The following TEX11 variants were observed in gnomAD, a reference collection of about 807,000 sequenced individuals.
The protein encoded by TEX11 is testis expressed 11, also known as testis-expressed protein 11.
TEX11 carries 7 observed loss-of-function variants against 84.4 expected under a neutral mutation model. That is an observed-to-expected ratio of 0.08 (90% CI 0.05 to 0.16). TEX11 has a LOEUF of 0.16. Among genes scored for constraint, TEX11 ranks in the 10% least tolerant of loss-of-function variants. The pLI is 1.00. For missense variants in TEX11, 551 were observed against 660.5 expected (o/e 0.83, Z 1.82); for synonymous variants, 264 against 222.8 (o/e 1.18, Z -1.64).
At chrX:70,858,097 G>A (rs1042581529) in intron 5 of TEX11, among the ~76,000 whole-genome samples, 4 of 108,792 alleles carry the variant, frequency 3.7e-5, no homozygotes, top group Admixed American at 1.0e-4. Context: ...CTACAAATAC[G>A]ATGCCTTGTA....
chrX:70,764,518 C>G (rs1181694562), intron 9 of TEX11, among the ~76,000 whole-genome samples: 1 of 111,121 alleles, frequency 9.0e-6, no homozygotes, highest in African/African-American at 3.3e-5. Flanking sequence ...GAAAATAACA[C>G]ATAAGTTCAA....
intron 7 of TEX11, among the ~76,000 whole-genome samples, chrX:70,851,321 G>T (rs1272212670): frequency 3.6e-5 from 4 of 111,925 alleles, no homozygotes; most frequent in Admixed American, 9.5e-5. Context: ...TTTGACAAAG[G>T]TGCTAAGGTC....
At chrX:70,705,363 T>G (rs1244250586) in intron 13 of TEX11, among the ~76,000 whole-genome samples, 3 of 111,730 alleles carry the variant, frequency 2.7e-5, no homozygotes, top group Non-Finnish European at 5.7e-5. Flanking sequence ...GGGGATGGCA[T>G]TGAATCTATA....
At chrX:70,726,978 C>T (rs1288107387) in intron 11 of TEX11, among the ~76,000 whole-genome samples, 1 of 111,222 alleles carries the variant, frequency 9.0e-6, no homozygotes, top group Non-Finnish European at 1.9e-5. Context: ...GGATTATAGG[C>T]ATGAACTACC....
chrX:70,779,624 TA>T (rs1416670147), intron 9 of TEX11, among the ~76,000 whole-genome samples: 3 of 110,423 alleles, frequency 2.7e-5, no homozygotes, highest in African/African-American at 3.3e-5. Flanking sequence ...GTTGGTTTTC[TA>T]AAAGGATAAA....
At chrX:70,742,828 T>C (rs997873833) in intron 10 of TEX11, among the ~76,000 whole-genome samples, 1 of 110,714 alleles carries the variant, frequency 9.0e-6, no homozygotes, top group African/African-American at 3.3e-5. Context: ...AAACTCCTGG[T>C]TTCATGCAAT....
At chrX:70,583,931 A>T (rs2088814535) in intron 25 of TEX11, among the ~76,000 whole-genome samples, 1 of 112,005 alleles carries the variant, frequency 8.9e-6, no homozygotes, top group Non-Finnish European at 1.9e-5. Flanking sequence ...TTGAATCACA[A>T]ATAGAGATTA....
At chrX:70,715,594 G>A (rs950351403) in intron 13 of TEX11, among the ~76,000 whole-genome samples, 20 of 111,900 alleles carry the variant, frequency 1.8e-4, no homozygotes, top group Non-Finnish European at 3.2e-4. Flanking sequence ...GGCTACTGAG[G>A]CTTGTGCATT....
At chrX:70,562,602 G>A (rs780831849) in intron 25 of TEX11, among the ~76,000 whole-genome samples, 2 of 111,937 alleles carry the variant, frequency 1.8e-5, no homozygotes, top group African/African-American at 6.5e-5. Context: ...TAGTTCATTC[G>A]TAATAGAGTC....
downstream of TEX11, among the ~76,000 whole-genome samples, chrX:70,525,967 A>G (rs5980959): frequency 0.058 from 6,433 of 110,782 alleles, 494 homozygotes; most frequent in African/African-American, 0.2. Flanking sequence ...GGCGGGGGTC[A>G]GGGTCAGGGC....
chrX:70,894,277 A>G (rs1206758578), intron 2 of TEX11, among the ~76,000 whole-genome samples: 1 of 111,237 alleles, frequency 9.0e-6, no homozygotes, highest in Non-Finnish European at 1.9e-5. Flanking sequence ...ACACGAAAAA[A>G]GAAAATTTCA....
At chrX:70,551,858 A>C (rs1053160260) in intron 28 of TEX11, among the ~76,000 whole-genome samples, 27 of 111,928 alleles carry the variant, frequency 2.4e-4, no homozygotes, top group African/African-American at 8.4e-4. Context: ...TCATCCCACC[A>C]TGATTTGAAA....
In TEX11 at chrX:70,843,427, C is replaced by T. The variant is rs745760175; in HGVS notation, c.525+9607G>A. Among the ~76,000 whole-genome samples the T allele has an allele frequency of 3.7e-3, 409 of 111,750 alleles. 2 individuals are homozygous for T. Among genetic ancestry groups the T allele is most frequent in the African/African-American group, 9.4e-3 (290 of 30,777 alleles). On this transcript the variant is annotated intron_variant, in intron 7 of 29. Coordinates refer to ENST00000374333, the MANE Select transcript of TEX11 (RefSeq NM_031276.3). ...CATATGTAGAAAGCTGAAGCTGGAT[C>T]CCTTCCTTACACCTTATACAAAAAT... is the stretch of plus-strand genomic sequence containing the variant.
chrX:70,567,827 A>G (rs944330622), intron 25 of TEX11, among the ~76,000 whole-genome samples: 5 of 111,522 alleles, frequency 4.5e-5, no homozygotes, highest in African/African-American at 1.6e-4. Context: ...ACTTCCAAGT[A>G]TGTGGTCAAT....
chrX:70,718,995 G>A (rs765238615), intron 13 of TEX11, among the ~76,000 whole-genome samples: 2 of 111,048 alleles, frequency 1.8e-5, no homozygotes, highest in Non-Finnish European at 3.8e-5. Flanking sequence ...TTATCTTCAC[G>A]TTAACCTCCA....
chrX:70,901,798 T>C (rs1317398906), intron 2 of TEX11, among the ~76,000 whole-genome samples: 6 of 112,263 alleles, frequency 5.3e-5, no homozygotes, highest in Admixed American at 9.5e-5. Context: ...TGGTATAGCC[T>C]ACTACACATC....
chrX:70,754,137 G>A (rs2090850258), intron 9 of TEX11, among the ~76,000 whole-genome samples: 1 of 111,557 alleles, frequency 9.0e-6, no homozygotes, highest in Non-Finnish European at 1.9e-5. Context: ...CACCAAGCAA[G>A]CTCTTAGGGT....
At chrX:70,788,973 T>TATATAGAGAG (rs1211700739) in intron 9 of TEX11, among the ~76,000 whole-genome samples, 2 of 9,560 alleles carry the variant, frequency 2.1e-4, no homozygotes, top group Non-Finnish European at 3.6e-4. Flanking sequence ...TATATATATA[T>TATATAGAGAG]AGAGAGAGAG....
chrX:70,575,839 A>T (rs1435262664), intron 25 of TEX11, among the ~76,000 whole-genome samples: 2 of 111,533 alleles, frequency 1.8e-5, no homozygotes, highest in Non-Finnish European at 3.8e-5. Context: ...CTACCATTAA[A>T]ATTCTATTTA....
Sources: allele counts gnomAD v4.1 joint callset (sites outside exome capture counted in the v4.1 genomes callset), GRCh38; gene constraint gnomAD v4.1.1; transcripts MANE v1.5; gene names NCBI Gene and HGNC (gene_info 2026-07-23, HGNC 2026-07-21).